The following HIBCH variants were observed in gnomAD, a reference collection of about 807,000 sequenced individuals.
HIBCH encodes the protein 3-hydroxyisobutyryl-CoA hydrolase.
In HIBCH, 50 loss-of-function variants were observed where a neutral mutation model predicts 58.2. The ratio of observed to expected loss-of-function variants is 0.86; its 90% CI spans 0.68 to 1.09. The LOEUF is 1.09. Ranked by LOEUF, HIBCH falls within the 50% of genes least tolerant of loss-of-function variation. The pLI is 0.00. For missense variants in HIBCH, 450 were observed against 449.7 expected (o/e 1.00, Z -0.01); for synonymous variants, 151 against 146.9 (o/e 1.03, Z -0.20).
At position 190,224,699 on chromosome 2, in the gene HIBCH, C is replaced by G. The variant is rs548289865; in HGVS notation, c.892-11624G>C. ...ACAATAATAATGGGAGACTTCAACA[C>G]CACACTGTCAACATTAGGCAGATCA... is the stretch of plus-strand genomic sequence containing the variant. On this transcript the variant is annotated intron_variant, in intron 11 of 13. Transcript: ENST00000359678. Among the ~76,000 whole-genome samples, 3 of 152,292 alleles carry G rather than the reference C, an allele frequency of 2.0e-5. No individual in the cohort carries two copies. In the East Asian group the frequency reaches 5.8e-4, roughly 29 times the overall value.
At chr2:190,310,851 T>C (rs998369152) in intron 1 of HIBCH, 55 bp from the exon 2 acceptor site, 3 of 1,226,830 alleles carry the variant, frequency 2.4e-6, no homozygotes, top group South Asian at 1.2e-5. Flanking sequence ...CATGTCTCAG[T>C]TGACAAATAG....
intron 11 of HIBCH, among the ~76,000 whole-genome samples, chr2:190,235,487 G>T (rs550045467): frequency 2.3e-3 from 357 of 152,098 alleles, no homozygotes; most frequent in African/African-American, 8.2e-3. Flanking sequence ...AAAATATTGA[G>T]GTATAAATAT....
At chr2:190,269,155 T>C (rs541650670) in intron 6 of HIBCH, among the ~76,000 whole-genome samples, 6 of 152,292 alleles carry the variant, frequency 3.9e-5, no homozygotes, top group African/African-American at 1.4e-4. Flanking sequence ...GGCAATACCA[T>C]TCAGGACATA....
intron 2 of HIBCH, among the ~76,000 whole-genome samples, chr2:190,301,566 G>T (rs1487692717): frequency 2.0e-5 from 3 of 152,202 alleles, no homozygotes; most frequent in African/African-American, 7.2e-5. Flanking sequence ...GCATGTATTG[G>T]GGTGGTGGGT....
chr2:190,198,273 T>C (rs1460442982), intron 1 of HIBCH, among the ~76,000 whole-genome samples: 1 of 152,116 alleles, frequency 6.6e-6, no homozygotes, highest in Non-Finnish European at 1.5e-5. Context: ...CTGGCAAACA[T>C]CACCTCCTCT....
At chr2:190,308,168 C>A (rs1299453536) in intron 2 of HIBCH, among the ~76,000 whole-genome samples, 1 of 152,184 alleles carries the variant, frequency 6.6e-6, no homozygotes, top group Non-Finnish European at 1.5e-5. Context: ...TATCTTCCTT[C>A]CAGGTGTCTT....
chr2:190,197,362 T>G lies in HIBCH; in HGVS notation c.*18-7365A>C, dbSNP rs577446407. ...CTGCAATTCCAAGGATTCTAAGTAC[T>G]GTATAACTTCTGGTGTCACTGTTCA... On this transcript the variant is annotated intron_variant, in intron 1 of 1. Coordinates refer to the HIBCH transcript ENST00000399855. The surrounding 1 kb of genome is among the most constrained non-coding windows in gnomAD (Gnocchi z 4.0). Among the ~76,000 whole-genome samples, 20 of 152,302 alleles carry G rather than the reference T, an allele frequency of 1.3e-4. No individual in the cohort carries two copies. In the South Asian group the frequency reaches 3.3e-3, roughly 25 times the overall value.
chr2:190,222,598 G>A (rs1040149171), intron 11 of HIBCH, among the ~76,000 whole-genome samples: 4 of 152,128 alleles, frequency 2.6e-5, no homozygotes, highest in Non-Finnish European at 5.9e-5. Context: ...TCAGAATGGC[G>A]ATCATTAAAA....
At chr2:190,314,916 A>G (rs921439139) in intron 1 of HIBCH, among the ~76,000 whole-genome samples, 4 of 151,838 alleles carry the variant, frequency 2.6e-5, no homozygotes, top group African/African-American at 9.7e-5. Flanking sequence ...CAAAACTGCC[A>G]TCTGGTGGAG....
chr2:190,278,124 A>C (rs1687604119), intron 6 of HIBCH, among the ~76,000 whole-genome samples: 1 of 152,162 alleles, frequency 6.6e-6, no homozygotes, highest in African/African-American at 2.4e-5. Context: ...TCCCCCTAGA[A>C]TCATCATTAC....
intron 1 of HIBCH, among the ~76,000 whole-genome samples, chr2:190,190,724 T>G (rs145198333): frequency 2.0e-4 from 30 of 152,318 alleles, no homozygotes; most frequent in African/African-American, 7.0e-4. Flanking sequence ...TTTTTTAAAT[T>G]TTAGCAATCT....
intron 6 of HIBCH, among the ~76,000 whole-genome samples, chr2:190,273,033 GA>G (rs1294375141): frequency 6.7e-6 from 1 of 150,288 alleles, no homozygotes; most frequent in Non-Finnish European, 1.5e-5. Context: ...CTGTTAAAAA[GA>G]AAAAAAAAGC....
At chr2:190,232,838 G>A (rs1363893764) in intron 11 of HIBCH, among the ~76,000 whole-genome samples, 2 of 151,958 alleles carry the variant, frequency 1.3e-5, no homozygotes, top group African/African-American at 2.4e-5. Flanking sequence ...GGCACCTGTA[G>A]TCCCAGCTAC....
chr2:190,206,331 G>A lies in HIBCH; in HGVS notation c.1046-1099C>T, dbSNP rs77535556. Among the ~76,000 whole-genome samples, 1,043 of 152,188 alleles carry A rather than the reference G, an allele frequency of 6.9e-3. 5 individuals are homozygous for A. The highest frequency in any genetic ancestry group is 0.011 in the Non-Finnish European group (777 of 67,994). On this transcript the variant is annotated intron_variant, in intron 13 of 13. Transcript: ENST00000359678. The surrounding 1 kb of genome is among the most constrained non-coding windows in gnomAD (Gnocchi z 5.1). ...CTACTATTTGAAAGTTTTATATTCC[G>A]TGGACAGTGTAAACAAAGAACAACC...
At chr2:190,227,301 C>G (rs1366317124) in intron 11 of HIBCH, among the ~76,000 whole-genome samples, 3 of 152,044 alleles carry the variant, frequency 2.0e-5, no homozygotes, top group African/African-American at 7.2e-5. Flanking sequence ...ACAAACGTGA[C>G]AAAAAGAAGA....
At chr2:190,286,528 T>C (rs561279994) in intron 6 of HIBCH, among the ~76,000 whole-genome samples, 20 of 152,306 alleles carry the variant, frequency 1.3e-4, no homozygotes, top group African/African-American at 4.6e-4. Context: ...CCACTACCTT[T>C]CTAGGCTCAG....
rs1214377901 is a variant in HIBCH at position 190,236,371 on chromosome 2, A to T, written c.891+8516T>A. 1.3e-5 allele frequency among the ~76,000 whole-genome samples: 2 copies of T among 151,196 alleles called. No homozygotes were observed. The highest frequency in any genetic ancestry group is 4.9e-5 in the African/African-American group (2 of 40,964). On this transcript the variant is annotated intron_variant, in intron 11 of 13. Transcript: ENST00000359678. This position sits in a 1 kb window ranked among gnomAD's most constrained non-coding sequence, Gnocchi z 4.1. ...CTCTATTATACTCTGTTAGTTTTTA[A>T]TTTTTTAAGCTAGTTTAAATCAAAC...
intron 7 of HIBCH, among the ~76,000 whole-genome samples, chr2:190,258,208 G>T (rs530170631): frequency 2.1e-4 from 32 of 152,146 alleles, no homozygotes; most frequent in Non-Finnish European, 3.2e-4. Flanking sequence ...GCCACGTGAA[G>T]ATGCACTTGC....
At chr2:190,230,399 C>T (rs917202701) in intron 11 of HIBCH, among the ~76,000 whole-genome samples, 2 of 152,284 alleles carry the variant, frequency 1.3e-5, no homozygotes, top group East Asian at 1.9e-4. Context: ...ATAAAAGTCA[C>T]GTATTCTTTA....
Sources: allele counts gnomAD v4.1 joint callset (sites outside exome capture counted in the v4.1 genomes callset), GRCh38; gene constraint gnomAD v4.1.1; non-coding constraint Gnocchi (gnomAD v3.1); transcripts MANE v1.5; gene names NCBI Gene and HGNC (gene_info 2026-07-23, HGNC 2026-07-21).